Variants in HHAT observed in about 807,000 individuals in gnomAD.
HHAT encodes the protein protein-cysteine N-palmitoyltransferase HHAT.
Under a neutral mutation model 70.8 loss-of-function variants are expected in HHAT, and 47 were observed. The ratio of observed to expected loss-of-function variants is 0.66; its 90% CI spans 0.53 to 0.85. The LOEUF is 0.85. Ranked by LOEUF, HHAT falls within the 40% of genes least tolerant of loss-of-function variation. The pLI is 0.00. For synonymous variants in HHAT, 228 were observed against 247.6 expected (o/e 0.92, Z 0.74); for missense variants, 609 against 604.8 (o/e 1.01, Z -0.07).
intron 9 of HHAT, among the ~76,000 whole-genome samples, chr1:210,584,727 C>T (rs1189256693): frequency 6.6e-6 from 1 of 152,206 alleles, no homozygotes; most frequent in Non-Finnish European, 1.5e-5. Flanking sequence ...TCCTTTGCCC[C>T]ACTGTCTTCA....
chr1:210,416,073 A>C lies in HHAT; in HGVS notation c.685-2081A>C, dbSNP rs115453835. Among the ~76,000 whole-genome samples, 1,356 of 152,336 alleles carry C rather than the reference A, an allele frequency of 8.9e-3. 22 individuals are homozygous for C. The highest frequency in any genetic ancestry group is 0.031 in the African/African-American group (1,297 of 41,570). On this transcript the variant is annotated intron_variant, in intron 6 of 11. Coordinates refer to ENST00000261458, the MANE Select transcript of HHAT (RefSeq NM_018194.6). Reference sequence around the variant, plus strand: ...TGATTGTAATGCCAATGAGCCGACCAAAATTTCTTAGCCTGGCTTCTTGTT... The same window carrying C: ...TGATTGTAATGCCAATGAGCCGACCCAAATTTCTTAGCCTGGCTTCTTGTT...
chr1:210,544,458 T>G (rs2095465029), intron 9 of HHAT, among the ~76,000 whole-genome samples: 1 of 145,548 alleles, frequency 6.9e-6, no homozygotes, highest in Admixed American at 7.0e-5. Context: ...CTGCAACCTC[T>G]GCCTCCCGGG....
At chr1:210,536,534 C>A (rs999504763) in intron 9 of HHAT, among the ~76,000 whole-genome samples, 1 of 152,238 alleles carries the variant, frequency 6.6e-6, no homozygotes, top group African/African-American at 2.4e-5. Context: ...TGTATCTCTC[C>A]TCTGCTGTAT....
chr1:210,595,566 G>A (rs1232141837), intron 10 of HHAT, among the ~76,000 whole-genome samples: 1 of 152,166 alleles, frequency 6.6e-6, no homozygotes, highest in African/African-American at 2.4e-5. Context: ...GGTTGAACTA[G>A]TTTACAGTCC....
intron 10 of HHAT, among the ~76,000 whole-genome samples, chr1:210,590,858 T>G (rs1661548336): frequency 6.6e-6 from 1 of 152,164 alleles, no homozygotes; most frequent in Admixed American, 6.5e-5. Context: ...TTCATCTGTT[T>G]TATTAAGATA....
intron 10 of HHAT, among the ~76,000 whole-genome samples, chr1:210,601,595 C>T (rs569863034): frequency 1.3e-5 from 2 of 152,264 alleles, no homozygotes; most frequent in South Asian, 2.1e-4. Flanking sequence ...AAAAAATTCT[C>T]AGCACCTTAT....
intron 9 of HHAT, among the ~76,000 whole-genome samples, chr1:210,548,695 C>T (rs971354056): frequency 1.3e-5 from 2 of 152,028 alleles, no homozygotes; most frequent in Non-Finnish European, 2.9e-5. Flanking sequence ...GTTGGATCTC[C>T]GTGAAGAAGG....
At chr1:210,546,730 G>A (rs2095487005) in intron 9 of HHAT, among the ~76,000 whole-genome samples, 1 of 152,212 alleles carries the variant, frequency 6.6e-6, no homozygotes, top group African/African-American at 2.4e-5. Flanking sequence ...ACAGAGAAAA[G>A]CAAGGCAGTG....
chr1:210,588,953 A>G (rs1661079521), intron 10 of HHAT: 1 of 152,260 alleles, frequency 6.6e-6, no homozygotes, highest in African/African-American at 2.4e-5. Flanking sequence ...ATATATTTTA[A>G]GTGATTTTAA....
At chr1:210,361,110 C>T (rs1037556836) in intron 2 of HHAT, among the ~76,000 whole-genome samples, 4 of 152,126 alleles carry the variant, frequency 2.6e-5, no homozygotes, top group Admixed American at 6.6e-5. Flanking sequence ...GTTTTAATCC[C>T]GTGTAACTCT....
intron 10 of HHAT, among the ~76,000 whole-genome samples, chr1:210,594,099 G>A (rs1175901673): frequency 1.3e-5 from 2 of 152,094 alleles, no homozygotes; most frequent in Non-Finnish European, 2.9e-5. Flanking sequence ...AGATTATGGG[G>A]TCCTGTTTTT....
At chr1:210,337,777 C>T (rs2085633445) in intron 1 of HHAT, among the ~76,000 whole-genome samples, 2 of 152,148 alleles carry the variant, frequency 1.3e-5, no homozygotes, top group South Asian at 2.1e-4. Context: ...TGTAAGGCAA[C>T]ATAGTCACGG....
chr1:210,500,314 T>C (rs1180657979), intron 8 of HHAT, among the ~76,000 whole-genome samples: 1 of 152,250 alleles, frequency 6.6e-6, no homozygotes, highest in Admixed American at 6.5e-5. Flanking sequence ...TATAAAAATA[T>C]ACATGCAGGA....
chr1:210,515,425 G>A (rs2095037139), intron 9 of HHAT, among the ~76,000 whole-genome samples: 2 of 152,200 alleles, frequency 1.3e-5, no homozygotes, highest in Non-Finnish European at 2.9e-5. Context: ...CCAGAATGGG[G>A]TGGATCTCAC....
intron 9 of HHAT, among the ~76,000 whole-genome samples, chr1:210,549,782 C>G (rs2095513451): frequency 1.3e-5 from 2 of 148,736 alleles, no homozygotes; most frequent in South Asian, 2.2e-4. Context: ...ATGGCTTGAG[C>G]CCGGGAGTTT....
chr1:210,496,521 G>A (rs1297071437), intron 8 of HHAT, among the ~76,000 whole-genome samples: 1 of 152,178 alleles, frequency 6.6e-6, no homozygotes, highest in Non-Finnish European at 1.5e-5. Flanking sequence ...GTTGGGAGGT[G>A]GGGATTGTCC....
At chr1:210,456,060 C>G (rs1325742308) in intron 7 of HHAT, among the ~76,000 whole-genome samples, 1 of 152,048 alleles carries the variant, frequency 6.6e-6, no homozygotes. Context: ...GGCTTTGTCC[C>G]CTTCTGTTTG....
intron 9 of HHAT, among the ~76,000 whole-genome samples, chr1:210,580,141 G>A (rs1018417478): frequency 6.6e-6 from 1 of 152,142 alleles, no homozygotes; most frequent in African/African-American, 2.4e-5. Flanking sequence ...TGAAGCTTAT[G>A]TACAGCATCT....
chr1:210,656,540 T>G (rs1427943099), intron 11 of HHAT, among the ~76,000 whole-genome samples: 2 of 152,196 alleles, frequency 1.3e-5, no homozygotes, highest in Non-Finnish European at 2.9e-5. Context: ...CATAGCCTTA[T>G]GCTCCTGCAG....
Sources: allele counts gnomAD v4.1 joint callset (sites outside exome capture counted in the v4.1 genomes callset), GRCh38; gene constraint gnomAD v4.1.1; transcripts MANE v1.5; gene names NCBI Gene and HGNC (gene_info 2026-07-23, HGNC 2026-07-21).